RHOU: variants seen among roughly 807,000 people sequenced by gnomAD.
RHOU encodes rho-related GTP-binding protein RhoU.
In RHOU, 8 loss-of-function variants were observed where a neutral mutation model predicts 12.6. The observed-to-expected ratio is 0.64, with a 90% CI of 0.37 to 1.15. The LOEUF (loss-of-function observed/expected upper bound fraction) is 1.15, where lower values mean the gene tolerates loss of function less well. Ranked by LOEUF, RHOU falls within the 50% of genes most tolerant of loss-of-function variation. RHOU has a pLI of 0.01. For missense variants in RHOU, 258 were observed against 347.0 expected (o/e 0.74, Z 2.04); for synonymous variants, 161 against 147.4 (o/e 1.09, Z -0.67).
the RHOU span, among the ~76,000 whole-genome samples, chr1:228,689,058 T>C: frequency 6.6e-6 from 1 of 152,194 alleles, no homozygotes; most frequent in African/African-American, 2.4e-5. Flanking sequence ...CTCCTCCTTC[T>C]CCGCCTGAAC....
the RHOU span, among the ~76,000 whole-genome samples, chr1:228,661,659 A>G: frequency 2.0e-5 from 3 of 152,158 alleles, no homozygotes; most frequent in African/African-American, 7.2e-5. Context: ...ACTTCCTTAC[A>G]CCTTATACAA....
chr1:228,651,953 G>A, the RHOU span, among the ~76,000 whole-genome samples: 3 of 152,178 alleles, frequency 2.0e-5, no homozygotes, highest in South Asian at 6.2e-4. Flanking sequence ...GTCCAATGGA[G>A]GCAGTTGGTT....
the RHOU span, among the ~76,000 whole-genome samples, chr1:228,707,255 AGTGTGTG>A: frequency 5.9e-4 from 24 of 40,696 alleles, no homozygotes; most frequent in Middle Eastern, 0.012. Context: ...ATATATATAT[AGTGTGTG>A]TGTGTGTGTG....
chr1:228,663,434 C>A, the RHOU span, among the ~76,000 whole-genome samples: 7 of 151,806 alleles, frequency 4.6e-5, no homozygotes, highest in African/African-American at 1.7e-4. Context: ...GCACTTATCA[C>A]AATATTCTCA....
upstream of RHOU, among the ~76,000 whole-genome samples, chr1:228,734,190 CT>C (rs5781517): frequency 0.17 from 25,132 of 147,222 alleles, 2,324 homozygotes; most frequent in South Asian, 0.25. Flanking sequence ...GATTAAAATA[CT>C]TTTTTTTTTT....
chr1:228,651,716 A>C, the RHOU span, among the ~76,000 whole-genome samples: 1 of 152,244 alleles, frequency 6.6e-6, no homozygotes, highest in Non-Finnish European at 1.5e-5. Flanking sequence ...ACATGGGAGA[A>C]AGAAGTTGCT....
chr1:228,647,713 G>T, the RHOU span, among the ~76,000 whole-genome samples: 2 of 152,304 alleles, frequency 1.3e-5, no homozygotes, highest in Admixed American at 1.3e-4. Flanking sequence ...GTTTCTGCTG[G>T]ATCCGGTTTC....
In RHOU at chr1:228,736,017, G is replaced by C. The variant is rs200203437; in HGVS notation, c.262+13G>C. 849 of 1,573,180 alleles carry C rather than the reference G, an allele frequency of 5.4e-4. 5 individuals are homozygous for C. In the East Asian group the frequency reaches 0.017, roughly 32 times the overall value. ...GACAACTTCTCCGGTGAGCTGGCCG[G>C]GGGGCCGGGGCCGGGGGCGCGTGGC... On this transcript the variant is annotated intron_variant, in intron 1 of 2. Transcript: ENST00000366691.
At chr1:228,696,524 G>T in the RHOU span, among the ~76,000 whole-genome samples, 1 of 151,914 alleles carries the variant, frequency 6.6e-6, no homozygotes, top group African/African-American at 2.4e-5. Flanking sequence ...GTAGTTTATT[G>T]TCTAACCAAG....
At position 228,735,511 on chromosome 1, in the gene RHOU, T is replaced by C. The variant is rs916484501; in HGVS notation, c.-232T>C. 1.7e-5 allele frequency: 5 copies of C among 285,768 alleles called. No individual in the cohort carries two copies. The highest frequency in any genetic ancestry group is 1.6e-4 in the Admixed American group (3 of 19,040). The allele number at this position is 285,768 out of a possible 1,614,324, so 17.7% of individuals were successfully genotyped here. ...TTGGGATCCACGGCGCTCGGACCGCTGTCCTCCAACAGCGCAGGGCAGAGC... is the reference window on the plus strand; with the variant it reads ...TTGGGATCCACGGCGCTCGGACCGCCGTCCTCCAACAGCGCAGGGCAGAGC... On this transcript the variant is annotated 5_prime_UTR_variant, in exon 1 of 3. Coordinates refer to ENST00000366691, the MANE Select transcript of RHOU (RefSeq NM_021205.6). This position sits in a 1 kb window ranked among gnomAD's most constrained non-coding sequence, Gnocchi z 8.1.
upstream of RHOU, among the ~76,000 whole-genome samples, chr1:228,731,644 C>G (rs566601751): frequency 1.3e-5 from 2 of 152,272 alleles, no homozygotes; most frequent in African/African-American, 4.8e-5. Context: ...GAGGTGACAC[C>G]TAAGCGGAGA....
At chr1:228,649,394 C>A in the RHOU span, among the ~76,000 whole-genome samples, 1 of 152,168 alleles carries the variant, frequency 6.6e-6, no homozygotes, top group Admixed American at 6.5e-5. Flanking sequence ...TTTTTGATAA[C>A]TGGTCTAAGA....
intron 2 of RHOU, among the ~76,000 whole-genome samples, chr1:228,741,256 A>G (rs958603159): frequency 6.6e-6 from 1 of 152,204 alleles, no homozygotes; most frequent in African/African-American, 2.4e-5. Context: ...TTAAGGGTGC[A>G]TTCCAGTTGT....
chr1:228,699,873 A>G, the RHOU span, among the ~76,000 whole-genome samples: 2 of 152,336 alleles, frequency 1.3e-5, no homozygotes, highest in African/African-American at 4.8e-5. Flanking sequence ...TGACAGTTGA[A>G]TGAAATCTCT....
chr1:228,708,721 C>A, the RHOU span, among the ~76,000 whole-genome samples: 11 of 151,952 alleles, frequency 7.2e-5, no homozygotes, highest in Non-Finnish European at 1.6e-4. Flanking sequence ...AATGTAAAGA[C>A]CATCGAGACT....
At chr1:228,690,048 A>G in the RHOU span, among the ~76,000 whole-genome samples, 1 of 152,126 alleles carries the variant, frequency 6.6e-6, no homozygotes, top group African/African-American at 2.4e-5. Flanking sequence ...ACGCTGTTTC[A>G]ATGTGTCCTT....
chr1:228,650,425 C>A, the RHOU span: 1 of 456,954 alleles, frequency 2.2e-6, no homozygotes. Flanking sequence ...GTGGGGTCAG[C>A]GTGCTACTTG....
the RHOU span, among the ~76,000 whole-genome samples, chr1:228,654,303 C>A: frequency 6.6e-6 from 1 of 152,090 alleles, no homozygotes; most frequent in Non-Finnish European, 1.5e-5. Flanking sequence ...GATGATGTGT[C>A]TCTTTGTTGC....
the RHOU span, among the ~76,000 whole-genome samples, chr1:228,718,200 T>C: frequency 1.3e-5 from 2 of 152,162 alleles, no homozygotes. Context: ...TGCTTTCCAG[T>C]GAATGGGCTT....
Sources: allele counts gnomAD v4.1 joint callset (sites outside exome capture counted in the v4.1 genomes callset), GRCh38; gene constraint gnomAD v4.1.1; non-coding constraint Gnocchi (gnomAD v3.1); transcripts MANE v1.5; gene names NCBI Gene and HGNC (gene_info 2026-07-23, HGNC 2026-07-21).